ATRN: variants seen among roughly 807,000 people sequenced by gnomAD.
ATRN encodes attractin-2.
ATRN carries 54 observed loss-of-function variants against 178.7 expected under a neutral mutation model. That is an observed-to-expected ratio of 0.30 (90% CI 0.24 to 0.38). ATRN has a LOEUF of 0.38. ATRN is among the 10% of genes least tolerant of loss of function. The pLI is 1.00. For missense variants in ATRN, 1,443 were observed against 1,815.1 expected (o/e 0.79, Z 3.73); for synonymous variants, 636 against 663.0 (o/e 0.96, Z 0.63).
chr20:3,560,738 A>G lies in ATRN; in HGVS notation c.1280A>G (p.His427Arg). The G allele has an allele frequency of 6.2e-7, 1 of 1,614,172 alleles. No homozygotes were observed. Among genetic ancestry groups the G allele is most frequent in the South Asian group, 1.1e-5 (1 of 91,084 alleles). Residue 427 changes from histidine to arginine, a missense_variant, in exon 8 of 29, where the codon CAT becomes CGT. His to Arg is a conservative substitution (Grantham distance 29). This residue lies in a region of ATRN where 862 missense variants were observed against 972.1 expected (regional missense o/e 0.89). Transcript: ENST00000262919. The stretch of plus-strand genomic sequence containing the variant: ...AATGAGTTGAGAGTTTTTCACATTC[A>G]TAATGAGTCATGGGTGTTGTTGACC... ...VTNELRVFHI[H>R]NESWVLLTPK...
chr20:3,475,633 G>A (rs2084516454), intron 1 of ATRN, among the ~76,000 whole-genome samples: 1 of 152,010 alleles, frequency 6.6e-6, no homozygotes, highest in South Asian at 2.1e-4. Flanking sequence ...ATTTTTCTTC[G>A]AAGGATAAAT....
intron 27 of ATRN, among the ~76,000 whole-genome samples, chr20:3,641,876 ATAGAC>A (rs1600174883): frequency 2.0e-5 from 3 of 152,234 alleles, no homozygotes; most frequent in African/African-American, 7.2e-5. Context: ...CCCCAGGAGG[ATAGAC>A]TAAAGTGTAA....
At chr20:3,518,049 T>G (rs1349782306) in intron 1 of ATRN, among the ~76,000 whole-genome samples, 1 of 152,230 alleles carries the variant, frequency 6.6e-6, no homozygotes, top group Non-Finnish European at 1.5e-5. Flanking sequence ...TTCTTCACAG[T>G]GGAGCACAGG....
chr20:3,563,398 C>T, intron 10 of ATRN, 35 bp downstream of exon 10: 1 of 1,603,810 alleles, frequency 6.2e-7, no homozygotes, highest in Non-Finnish European at 8.5e-7. Context: ...CTTCAGGCAT[C>T]TTTTTGCCTA....
chr20:3,529,040 C>T (rs2085413569), intron 1 of ATRN, among the ~76,000 whole-genome samples: 1 of 152,106 alleles, frequency 6.6e-6, no homozygotes, highest in Admixed American at 6.5e-5. Context: ...TCTTGAACTC[C>T]TGGGCTTAAA....
chr20:3,513,190 G>T (rs1386717541), intron 1 of ATRN, among the ~76,000 whole-genome samples: 1 of 152,104 alleles, frequency 6.6e-6, no homozygotes, highest in Non-Finnish European at 1.5e-5. Context: ...GCCCATGCCT[G>T]TGTCCTGAAT....
chr20:3,565,496 G>A (rs113123213), intron 11 of ATRN, 64 bp downstream of exon 11: 67,605 of 1,404,346 alleles, frequency 0.048, 1,874 homozygotes, highest in Non-Finnish European at 0.056. Context: ...GGCCGGGCAC[G>A]GTGGCTCACG....
At chr20:3,640,097 G>A (rs62206517) in intron 27 of ATRN, among the ~76,000 whole-genome samples, 1 of 152,176 alleles carries the variant, frequency 6.6e-6, no homozygotes, top group African/African-American at 2.4e-5. Flanking sequence ...ATATAACTGT[G>A]TATGAAATGT....
intron 1 of ATRN, among the ~76,000 whole-genome samples, chr20:3,492,187 G>A (rs1208789904): frequency 6.6e-6 from 1 of 151,426 alleles, no homozygotes. Flanking sequence ...GTGTGTGTGT[G>A]TGTGTGTGTG....
At chr20:3,500,090 C>G (rs1434739562) in intron 1 of ATRN, among the ~76,000 whole-genome samples, 1 of 152,162 alleles carries the variant, frequency 6.6e-6, no homozygotes, top group Non-Finnish European at 1.5e-5. Flanking sequence ...AAAATGCTCA[C>G]CATCCCTGGC....
At chr20:3,593,284 G>A (rs2146275118) in intron 19 of ATRN, among the ~76,000 whole-genome samples, 1 of 152,270 alleles carries the variant, frequency 6.6e-6, no homozygotes, top group Non-Finnish European at 1.5e-5. Flanking sequence ...AGAAAGCGTG[G>A]TGTTTATAGA....
chr20:3,474,567 C>T (rs1204397029), intron 1 of ATRN, among the ~76,000 whole-genome samples: 1 of 151,654 alleles, frequency 6.6e-6, no homozygotes, highest in Admixed American at 6.6e-5. Context: ...ATTAGCCGGG[C>T]GTGGTGGCGG....
chr20:3,617,517 A>G (rs1453491933), intron 24 of ATRN, among the ~76,000 whole-genome samples: 2 of 152,050 alleles, frequency 1.3e-5, no homozygotes, highest in African/African-American at 2.4e-5. Flanking sequence ...AAAGCTTAAG[A>G]TTTTCCAAAA....
chr20:3,538,700 C>T (rs184198954), intron 2 of ATRN, among the ~76,000 whole-genome samples: 1 of 152,292 alleles, frequency 6.6e-6, no homozygotes, highest in East Asian at 1.9e-4. Flanking sequence ...CCCAATCCAT[C>T]ACCAGACTGC....
chr20:3,594,629 G>GTTTTTTC, intron 20 of ATRN, 57 bp downstream of exon 20: 1 of 1,453,068 alleles, frequency 6.9e-7, no homozygotes, highest in South Asian at 1.3e-5. Flanking sequence ...GCAGCTGCCT[G>GTTTTTTC]AACCCCACCC....
At position 3,490,289 on chromosome 20, in the gene ATRN, A is replaced by G. The variant is rs963164572; in HGVS notation, c.410+18772A>G. ...CCAGGAGGAGAAGGCGGAGAGGTCA[A>G]GATGGGCTCCAGCATGGGTCAGAGC... On this transcript the variant is annotated intron_variant, in intron 1 of 28. Coordinates refer to ENST00000262919, the MANE Select transcript of ATRN (RefSeq NM_139321.3). The G allele has an allele frequency of 1.8e-5, 21 of 1,150,418 alleles. No individual in the cohort carries two copies. The African/African-American group carries it at 2.9e-4, about 16-fold the overall frequency. 71.3% of individuals were successfully genotyped at this position (1,150,418 alleles called of 1,614,324 possible).
At chr20:3,523,758 A>G (rs1313748028) in intron 1 of ATRN, among the ~76,000 whole-genome samples, 3 of 152,232 alleles carry the variant, frequency 2.0e-5, no homozygotes, top group Non-Finnish European at 4.4e-5. Context: ...GTGGGGGCCA[A>G]TATTCAACAT....
At chr20:3,482,418 T>C (rs921632789) in intron 1 of ATRN, among the ~76,000 whole-genome samples, 2 of 152,212 alleles carry the variant, frequency 1.3e-5, no homozygotes, top group African/African-American at 4.8e-5. Flanking sequence ...TTTTTAGAAT[T>C]TTTTTGCGTG....
At chr20:3,510,614 A>ATCAT (rs921878569) in intron 1 of ATRN, among the ~76,000 whole-genome samples, 6 of 152,034 alleles carry the variant, frequency 3.9e-5, no homozygotes, top group Admixed American at 3.9e-4. Context: ...TTGTTTTCCC[A>ATCAT]TCATTAGATT....
Sources: allele counts gnomAD v4.1 joint callset (sites outside exome capture counted in the v4.1 genomes callset), GRCh38; gene constraint gnomAD v4.1.1; regional missense constraint gnomAD v4.1.1; transcripts MANE v1.5; gene names NCBI Gene and HGNC (gene_info 2026-07-23, HGNC 2026-07-21).